Variants in RAD18 observed in about 807,000 individuals in gnomAD.
RAD18 encodes the protein E3 ubiquitin-protein ligase RAD18.
RAD18 carries 47 observed loss-of-function variants against 60.4 expected under a neutral mutation model. The ratio of observed to expected loss-of-function variants is 0.78; its 90% CI spans 0.62 to 0.99. RAD18 has a LOEUF of 0.99. Ranked by LOEUF, RAD18 falls within the 50% of genes least tolerant of loss-of-function variation. The probability of loss-of-function intolerance (pLI) is 0.00; values close to 1 mark genes in which losing one functional copy is unlikely to be tolerated. For synonymous variants in RAD18, 225 were observed against 195.5 expected (o/e 1.15, Z -1.26); for missense variants, 640 against 593.3 (o/e 1.08, Z -0.82).
chr3:8,951,533 A>C (rs1940924452), intron 2 of RAD18, among the ~76,000 whole-genome samples: 1 of 152,262 alleles, frequency 6.6e-6, no homozygotes, highest in African/African-American at 2.4e-5. Context: ...CAGAAACTCC[A>C]ATCTACGTAA....
Position 8,939,617 on chromosome 3 carries a change from CT to C in RAD18, c.640del (p.Ser214ValfsTer7). 1 of 1,612,914 alleles carries C rather than the reference CT, an allele frequency of 6.2e-7. No individual in the cohort carries two copies. The highest frequency in any genetic ancestry group is 8.5e-7 in the Non-Finnish European group (1 of 1,179,238). ...GCTGTCTAAATGCTTATTAATGTGA[CT>C]TTCTGGAATGTTAACCCCGCAAACA... ...CPVCGVNIPE[S>X]HINKHLDSCL... is the part of the protein sequence containing the mutation. On this transcript the variant is annotated frameshift_variant, in exon 6 of 13. Transcript: ENST00000264926. LOFTEE classifies it high-confidence loss of function.
chr3:8,921,982 C>G (rs1316404227), intron 7 of RAD18, among the ~76,000 whole-genome samples: 1 of 152,136 alleles, frequency 6.6e-6, no homozygotes, highest in Non-Finnish European at 1.5e-5. Flanking sequence ...CGAATAGGAA[C>G]AGCTCCAGTC....
At chr3:8,959,341 T>C (rs1044401901) in intron 1 of RAD18, among the ~76,000 whole-genome samples, 7 of 152,214 alleles carry the variant, frequency 4.6e-5, no homozygotes, top group African/African-American at 1.7e-4. Context: ...CCAAGCCTCC[T>C]CCTCTTCAGA....
chr3:8,931,713 G>C (rs1940555889), intron 7 of RAD18: 1 of 152,210 alleles, frequency 6.6e-6, no homozygotes. Flanking sequence ...TGAGAACACA[G>C]TTGAAGGACT....
intron 12 of RAD18, among the ~76,000 whole-genome samples, chr3:8,888,136 C>T (rs1485145951): frequency 6.6e-6 from 1 of 152,218 alleles, no homozygotes; most frequent in Non-Finnish European, 1.5e-5. Context: ...AAAGCACTTC[C>T]CTTGTTCCTG....
chr3:8,954,632 C>T (rs1940979665), intron 2 of RAD18, among the ~76,000 whole-genome samples: 1 of 152,084 alleles, frequency 6.6e-6, no homozygotes, highest in Non-Finnish European at 1.5e-5. Context: ...ACCTTTGTAC[C>T]TGCAGAACTA....
chr3:8,920,278 C>CA (rs60504682), intron 7 of RAD18, among the ~76,000 whole-genome samples: 13,588 of 68,968 alleles, frequency 0.2, 1,059 homozygotes, highest in East Asian at 0.25. Context: ...GACTCCGTCT[C>CA]AAAAAAAAAA....
At chr3:8,889,605 G>GT (rs1939647161) in intron 12 of RAD18, among the ~76,000 whole-genome samples, 1 of 152,150 alleles carries the variant, frequency 6.6e-6, no homozygotes, top group African/African-American at 2.4e-5. Context: ...AACATTCTGG[G>GT]TAGAGGGACA....
chr3:8,898,066 C>T (rs986061675), intron 11 of RAD18, among the ~76,000 whole-genome samples: 26 of 151,356 alleles, frequency 1.7e-4, no homozygotes, highest in African/African-American at 3.7e-4. Flanking sequence ...AGTGAGACTC[C>T]GTCTCAAAAA....
chr3:8,910,214 G>A (rs918389151), intron 9 of RAD18, among the ~76,000 whole-genome samples: 3 of 152,214 alleles, frequency 2.0e-5, no homozygotes, highest in Non-Finnish European at 4.4e-5. Flanking sequence ...GTGTGTAAAT[G>A]TATTGGAAAG....
At chr3:8,952,956 G>A (rs1167576606) in intron 2 of RAD18, among the ~76,000 whole-genome samples, 2 of 152,068 alleles carry the variant, frequency 1.3e-5, no homozygotes, top group African/African-American at 4.8e-5. Context: ...AAGCCAAAAT[G>A]TATTTAATAT....
At chr3:8,894,788 T>C (rs1199922756) in intron 11 of RAD18, among the ~76,000 whole-genome samples, 2 of 136,160 alleles carry the variant, frequency 1.5e-5, no homozygotes, top group Non-Finnish European at 3.1e-5. Flanking sequence ...TGAGATGGAG[T>C]CTCGCTTTGT....
intron 7 of RAD18, among the ~76,000 whole-genome samples, chr3:8,922,531 GCTTA>G (rs1559779231): frequency 2.4e-4 from 37 of 152,222 alleles, no homozygotes; most frequent in Non-Finnish European, 4.3e-4. Flanking sequence ...ACCTCTGCAG[GCTTA>G]AATGTCCCTG....
intron 7 of RAD18, among the ~76,000 whole-genome samples, chr3:8,919,584 GTATGTA>G (rs1445295810): frequency 5.3e-5 from 8 of 152,318 alleles, no homozygotes; most frequent in Non-Finnish European, 1.0e-4. Context: ...ACATGCATGT[GTATGTA>G]TATATGTATC....
intron 12 of RAD18, among the ~76,000 whole-genome samples, chr3:8,888,949 A>T (rs113617056): frequency 3.1e-4 from 47 of 152,336 alleles, no homozygotes; most frequent in Middle Eastern, 6.8e-3. Context: ...TTCAGTATGA[A>T]GAGGTACAAG....
intron 9 of RAD18, among the ~76,000 whole-genome samples, chr3:8,904,435 T>C (rs1470153638): frequency 6.6e-6 from 1 of 152,224 alleles, no homozygotes; most frequent in South Asian, 2.1e-4. Context: ...AATATTTTTA[T>C]GTGTATGGTA....
At chr3:8,948,038 A>G (rs1186877104) in intron 3 of RAD18, among the ~76,000 whole-genome samples, 2 of 152,160 alleles carry the variant, frequency 1.3e-5, no homozygotes, top group Non-Finnish European at 2.9e-5. Context: ...TGTTCCCACT[A>G]CTTGAAAAGT....
At chr3:8,953,698 C>T (rs1940961989) in intron 2 of RAD18, among the ~76,000 whole-genome samples, 1 of 152,082 alleles carries the variant, frequency 6.6e-6, no homozygotes, top group African/African-American at 2.4e-5. Context: ...AGTAGTTTCA[C>T]AGAAATATCC....
chr3:8,963,441 A>C lies in RAD18; in HGVS notation c.-56T>G. ...ACCCACTAGCCTCCGGCGCTCCAAC[A>C]CCACTCGAAATTCCCCGCGCTACCG... On this transcript the variant is annotated 5_prime_UTR_variant, in exon 1 of 13. Transcript: ENST00000264926. 2 of 1,463,698 alleles carry C rather than the reference A, an allele frequency of 1.4e-6. No homozygotes were observed. The highest frequency in any genetic ancestry group is 1.9e-6 in the Non-Finnish European group (2 of 1,072,756). The allele number at this position is 1,463,698 out of a possible 1,614,324, so 90.7% of individuals were successfully genotyped here.
Sources: gnomAD v4.1 joint callset for allele counts (sites outside exome capture counted in the v4.1 genomes callset) on GRCh38, gnomAD v4.1.1 for gene constraint, MANE v1.5 for transcripts, NCBI Gene and HGNC (gene_info 2026-07-23, HGNC 2026-07-21) for gene names.